The following KCNG4 variants were observed in gnomAD, a reference collection of about 807,000 sequenced individuals.
KCNG4 encodes the protein potassium voltage-gated channel modifier subfamily G member 4.
A neutral mutation model predicts 28.2 loss-of-function variants in KCNG4; 30 were observed. The ratio of observed to expected loss-of-function variants is 1.06; its 90% CI spans 0.80 to 1.44. The LOEUF is 1.44. Ranked by LOEUF, KCNG4 falls within the 40% of genes most tolerant of loss-of-function variation. The pLI is 0.00. For synonymous variants in KCNG4, 375 were observed against 315.5 expected (o/e 1.19, Z -2.00); for missense variants, 879 against 712.3 (o/e 1.23, Z -2.66).
chr16:84,225,307 G>A (rs1374170798), intron 2 of KCNG4, among the ~76,000 whole-genome samples: 2 of 152,104 alleles, frequency 1.3e-5, no homozygotes, highest in East Asian at 1.9e-4. Flanking sequence ...CAAACTTGCT[G>A]TGTGACTTTG....
chr16:84,229,481 G>C (rs960762693), intron 2 of KCNG4, among the ~76,000 whole-genome samples: 1 of 152,248 alleles, frequency 6.6e-6, no homozygotes, highest in Non-Finnish European at 1.5e-5. Context: ...GGTCTAAGAA[G>C]TATCCACTGA....
Position 84,237,313 on chromosome 16 carries a change from T to C in KCNG4, c.173A>G (p.Lys58Arg), listed in dbSNP as rs200551554. The change falls in exon 2 of 3, where the codon AAG becomes AGG. Residue 58 changes from lysine (K) to arginine (R), a missense_variant. Lys to Arg is a conservative substitution (Grantham distance 26). Transcript: ENST00000308251. ...CCCCACGTTGATCAGGATCTCCTTC[T>C]TCAGGTCCACTGGGGAGGCGTCCAG... ...GALDASPVDL[K>R]KEILINVGGR... The C allele has an allele frequency of 1.3e-4, 213 of 1,593,128 alleles. No homozygotes were observed. Among genetic ancestry groups the C allele is most frequent in the Middle Eastern group, 5.1e-4 (3 of 5,932 alleles).
rs534182879 is a variant in KCNG4, at chr16:84,232,066, T to C, written c.756+4664A>G. Among the ~76,000 whole-genome samples, 20 of 151,494 alleles carry C rather than the reference T, an allele frequency of 1.3e-4. No individual in the cohort carries two copies. In the East Asian group the frequency reaches 3.3e-3, roughly 25 times the overall value. On this transcript the variant is annotated intron_variant, in intron 2 of 2. Coordinates refer to ENST00000308251, the MANE Select transcript of KCNG4 (RefSeq NM_172347.3). ...CGAATCCTGCCTATTGAAAGGGGTC[T>C]GTATGGCAGCCATGGGAACAGAATC...
intron 2 of KCNG4, 144 bp downstream of exon 2, chr16:84,236,586 A>G: frequency 1.0e-6 from 1 of 963,834 alleles, no homozygotes; most frequent in South Asian, 1.8e-5. Context: ...TGATGGCCTA[A>G]TAATGAATAT....
At chr16:84,234,473 C>G (rs1160100525) in intron 2 of KCNG4, among the ~76,000 whole-genome samples, 1 of 152,170 alleles carries the variant, frequency 6.6e-6, no homozygotes, top group Non-Finnish European at 1.5e-5. Context: ...GCCACTGCAC[C>G]CAGCCTCCAT....
intron 2 of KCNG4, among the ~76,000 whole-genome samples, chr16:84,231,329 C>T (rs965828375): frequency 5.9e-5 from 9 of 152,162 alleles, no homozygotes; most frequent in African/African-American, 1.9e-4. Context: ...GATGCTGGCC[C>T]TTACCCTGAC....
chr16:84,226,874 G>A lies in KCNG4; in HGVS notation c.757-3854C>T, dbSNP rs72800767. On this transcript the variant is annotated intron_variant, in intron 2 of 2. Coordinates refer to ENST00000308251, the MANE Select transcript of KCNG4 (RefSeq NM_172347.3). This position sits in a 1 kb window ranked among gnomAD's most constrained non-coding sequence, Gnocchi z 4.1. ...AGCCTGGGCGATAGAGCGAGACTCC[G>A]TCTCAAAGACAAACATACACAAAAG... Among the ~76,000 whole-genome samples, 16,337 of 151,806 alleles carry A rather than the reference G, an allele frequency of 0.11. 1,144 individuals are homozygous for A. Among genetic ancestry groups the A allele is most frequent in the African/African-American group, 0.2 (8,184 of 41,348 alleles).
intron 2 of KCNG4, among the ~76,000 whole-genome samples, chr16:84,225,058 C>T (rs1326263313): frequency 1.3e-5 from 2 of 152,134 alleles, no homozygotes; most frequent in Admixed American, 1.3e-4. Flanking sequence ...TTAACAGGAC[C>T]GTGCACCTAG....
Position 84,232,896 on chromosome 16 carries a change from C to CAAAAAAAAA in KCNG4, c.756+3825_756+3833dup, listed in dbSNP as rs60683135. Among the ~76,000 whole-genome samples the CAAAAAAAAA allele has an allele frequency of 4.6e-5, 5 of 108,004 alleles. 1 individual carries two copies. The highest frequency in any genetic ancestry group is 7.2e-5 in the Non-Finnish European group (4 of 55,920). 70.9% of individuals were successfully genotyped at this position (108,004 alleles called of 152,430 possible). A position where few individuals can be genotyped will look rare whatever the true frequency, so the allele number is the denominator to read the frequency against. ...CCTGGGGGACAGAGTGAAACCCTAT[C>CAAAAAAAAA]AAAAAAAAAAAAAAAAAAAATAGAG... On this transcript the variant is annotated intron_variant, in intron 2 of 2. Coordinates refer to ENST00000308251, the MANE Select transcript of KCNG4 (RefSeq NM_172347.3).
Position 84,221,361 on chromosome 16 carries a change from A to T in KCNG4, c.*856T>A, listed in dbSNP as rs1478596357. 6.6e-6 allele frequency: 1 copy of T among 152,266 alleles called. No homozygotes were observed. Among genetic ancestry groups the T allele is most frequent in the East Asian group, 1.9e-4 (1 of 5,180 alleles). The allele number at this position is 152,266 out of a possible 1,614,324, so 9.4% of individuals were successfully genotyped here. ...AGCAGGAACGATCCTCTCAAGGGAC[A>T]ACATGGACCCTGAAAGAGTTTGTCT... On this transcript the variant is annotated 3_prime_UTR_variant, in exon 3 of 3. Transcript: ENST00000308251.
rs1187089574 is a variant in KCNG4 at position 84,237,480 on chromosome 16, G to T, written c.6C>A (p.Pro2=). The T allele has an allele frequency of 6.7e-7, 1 of 1,494,654 alleles. No homozygotes were observed. Among genetic ancestry groups the T allele is most frequent in the Admixed American group, 2.4e-5 (1 of 41,990 alleles). 92.6% of individuals were successfully genotyped at this position (1,494,654 alleles called of 1,614,324 possible). A position where few individuals can be genotyped will look rare whatever the true frequency, so the allele number is the denominator to read the frequency against. Residue 2 remains proline, a synonymous_variant, in exon 2 of 3, where the codon CCC becomes CCA. Coordinates refer to ENST00000308251, the MANE Select transcript of KCNG4 (RefSeq NM_172347.3). Reference sequence around the variant, plus strand: ...GCAGGCCCCCGTCTCTGGAAGGCATGGGCATTGCTGAAGACCACCAGGTAG... The same window carrying T: ...GCAGGCCCCCGTCTCTGGAAGGCATTGGCATTGCTGAAGACCACCAGGTAG... M[P]MPSRDGGLHP...
intron 2 of KCNG4, among the ~76,000 whole-genome samples, chr16:84,225,289 C>G (rs900687831): frequency 6.6e-6 from 1 of 152,052 alleles, no homozygotes; most frequent in Non-Finnish European, 1.5e-5. Flanking sequence ...GATTCCCCAG[C>G]CCTGCTACAA....
chr16:84,237,778 C>T (rs922693304), intron 1 of KCNG4, among the ~76,000 whole-genome samples: 2 of 152,196 alleles, frequency 1.3e-5, no homozygotes, highest in African/African-American at 2.4e-5. Context: ...CCAGAATAGA[C>T]GTTGCACGGA....
At chr16:84,225,479 G>A (rs1161021108) in intron 2 of KCNG4, among the ~76,000 whole-genome samples, 1 of 152,188 alleles carries the variant, frequency 6.6e-6, no homozygotes, top group African/African-American at 2.4e-5. Flanking sequence ...CAAACCTTAG[G>A]GTGGGGCCCG....
In KCNG4 at chr16:84,222,255, T is replaced by TTAGG; in HGVS notation, c.1518_1521dup (p.Ile508ProfsTer20). The TTAGG allele has an allele frequency of 1.2e-6, 2 of 1,614,024 alleles. No individual in the cohort carries two copies. Among genetic ancestry groups the TTAGG allele is most frequent in the Non-Finnish European group, 1.7e-6 (2 of 1,179,992 alleles). Reference sequence around the variant, plus strand: ...ATAGGCAAGGCTGGGCCCTCCAGGATTAGGTCATTGACATCGTTCATGAGC... The same window carrying TTAGG: ...ATAGGCAAGGCTGGGCCCTCCAGGATTAGGTAGGTCATTGACATCGTTCATGAGC... On this transcript the variant is annotated frameshift_variant, in exon 3 of 3. Transcript: ENST00000308251. LOFTEE classifies it low-confidence loss of function (END_TRUNC).
rs1208738366 is a variant in KCNG4 at position 84,221,111 on chromosome 16, C to T, written c.*1106G>A. On this transcript the variant is annotated 3_prime_UTR_variant, in exon 3 of 3. Transcript: ENST00000308251. ...ACTCAGACCTCCATCTGCCTCCTCCCCTGGATGCAAAGGACAGACTCTGTT... is the reference window on the plus strand; with the variant it reads ...ACTCAGACCTCCATCTGCCTCCTCCTCTGGATGCAAAGGACAGACTCTGTT... The T allele has an allele frequency of 3.9e-5, 6 of 152,306 alleles. No homozygotes were observed. Among genetic ancestry groups the T allele is most frequent in the African/African-American group, 1.4e-4 (6 of 41,440 alleles). The allele number at this position is 152,306 out of a possible 1,614,324, so 9.4% of individuals were successfully genotyped here. A position where few individuals can be genotyped will look rare whatever the true frequency, so the allele number is the denominator to read the frequency against.
intron 2 of KCNG4, among the ~76,000 whole-genome samples, chr16:84,224,894 C>T (rs1486171707): frequency 6.6e-6 from 1 of 152,220 alleles, no homozygotes; most frequent in Non-Finnish European, 1.5e-5. Context: ...GAAACCATGT[C>T]TGCTTGTCTA....
Position 84,222,101 on chromosome 16 carries a change from G to C in KCNG4, c.*116C>G, listed in dbSNP as rs987412535. 2 of 1,162,184 alleles carry C rather than the reference G, an allele frequency of 1.7e-6. No homozygotes were observed. Among genetic ancestry groups the C allele is most frequent in the Non-Finnish European group, 1.2e-6 (1 of 804,780 alleles). 72.0% of individuals were successfully genotyped at this position (1,162,184 alleles called of 1,614,324 possible). ...TGTGGCCTTATGCCCCTCCAGCTTT[G>C]AAAGTCTTCCCTGGGCTCTAGAAAC... On this transcript the variant is annotated 3_prime_UTR_variant, in exon 3 of 3. Coordinates refer to ENST00000308251, the MANE Select transcript of KCNG4 (RefSeq NM_172347.3).
chr16:84,233,601 G>C lies in KCNG4; in HGVS notation c.756+3129C>G, dbSNP rs1246262193. Among the ~76,000 whole-genome samples the C allele has an allele frequency of 2.6e-5, 4 of 152,144 alleles. No individual in the cohort carries two copies. In the South Asian group the frequency reaches 8.3e-4, roughly 32 times the overall value. On this transcript the variant is annotated intron_variant, in intron 2 of 2. Transcript: ENST00000308251. ...CACCTGTAGTCCCAGCTACCTGGGG[G>C]GTTGAGGTGGGAGGATCACTTGAGC... is the stretch of plus-strand genomic sequence containing the variant.
Sources: allele counts gnomAD v4.1 joint callset (sites outside exome capture counted in the v4.1 genomes callset), GRCh38; gene constraint gnomAD v4.1.1; non-coding constraint Gnocchi (gnomAD v3.1); transcripts MANE v1.5; gene names NCBI Gene and HGNC (gene_info 2026-07-23, HGNC 2026-07-21).